COL4A2: variants seen among roughly 807,000 people sequenced by gnomAD.
COL4A2 encodes collagen type IV alpha 2 chain.
COL4A2 carries 99 observed loss-of-function variants against 200.2 expected under a neutral mutation model. The ratio of observed to expected loss-of-function variants is 0.49; its 90% CI spans 0.42 to 0.58. The LOEUF (loss-of-function observed/expected upper bound fraction) is 0.58, where lower values mean the gene tolerates loss of function less well. COL4A2 is among the 20% of genes least tolerant of loss of function. The pLI, the probability that COL4A2 is intolerant of heterozygous loss-of-function variation, is 0.00. For missense variants in COL4A2, 1,950 were observed against 2,314.1 expected (o/e 0.84, Z 3.23); for synonymous variants, 897 against 900.6 (o/e 1.00, Z 0.07).
Position 110,465,549 on chromosome 13 carries a change from C to G in COL4A2, c.1921C>G (p.Pro641Ala), listed in dbSNP as rs1412683360. ...TGGTTTCCCTGGAGACGCCGGCTTA[C>G]CTGGACCACCAGGCTTCCTGGGCCC... ...QRGFPGDAGLPGPPGFLGPPG... is the reference protein window; with the variant it reads ...QRGFPGDAGLAGPPGFLGPPG... The change falls in exon 25 of 48, where the codon CCT (proline) becomes GCT (alanine). Residue 641 changes from proline to alanine, a missense_variant. By Grantham distance (27) the Pro-to-Ala change is conservative (BLOSUM62 -1). This residue lies in a region of COL4A2 where 1,385 missense variants were observed against 1,720.5 expected (regional missense o/e 0.80). Transcript: ENST00000360467. The G allele has an allele frequency of 4.3e-6, 7 of 1,613,882 alleles. No homozygotes were observed. Among genetic ancestry groups the G allele is most frequent in the African/African-American group, 1.3e-5 (1 of 74,926 alleles).
At chr13:110,419,990 G>A (rs551870834) in intron 4 of COL4A2, among the ~76,000 whole-genome samples, 50 of 152,268 alleles carry the variant, frequency 3.3e-4, no homozygotes, top group African/African-American at 1.2e-3. Context: ...GCCAGGATGG[G>A]GGTTATGGTG....
intron 4 of COL4A2, among the ~76,000 whole-genome samples, chr13:110,376,014 C>T (rs1878222972): frequency 6.6e-6 from 1 of 152,160 alleles, no homozygotes; most frequent in Non-Finnish European, 1.5e-5. Context: ...GTGATTTATA[C>T]ATCATTATGC....
intron 47 of COL4A2, among the ~76,000 whole-genome samples, chr13:110,509,312 T>C (rs1264495460): frequency 1.6e-5 from 2 of 127,342 alleles, no homozygotes; most frequent in Non-Finnish European, 3.3e-5. Context: ...AAAATATAAA[T>C]TACATAGTGA....
chr13:110,365,650 C>G (rs1179532518), intron 4 of COL4A2, among the ~76,000 whole-genome samples: 3 of 152,184 alleles, frequency 2.0e-5, no homozygotes, highest in Non-Finnish European at 4.4e-5. Context: ...CCTGCCCTTT[C>G]TCCACGCAAT....
At chr13:110,394,183 T>A (rs1209219295) in intron 4 of COL4A2, among the ~76,000 whole-genome samples, 1 of 152,214 alleles carries the variant, frequency 6.6e-6, no homozygotes, top group Non-Finnish European at 1.5e-5. Flanking sequence ...AGGTATTTTA[T>A]AATCGTAAAA....
chr13:110,454,614 G>A (rs752973366), intron 20 of COL4A2, among the ~76,000 whole-genome samples: 5 of 152,034 alleles, frequency 3.3e-5, no homozygotes, highest in African/African-American at 7.2e-5. Flanking sequence ...GGGTGCGGCC[G>A]CCTCTCCTCC....
chr13:110,396,000 A>C (rs1159516317), intron 4 of COL4A2, among the ~76,000 whole-genome samples: 1 of 152,232 alleles, frequency 6.6e-6, no homozygotes, highest in Non-Finnish European at 1.5e-5. Flanking sequence ...AGTACATAAA[A>C]AGTAACGAGT....
chr13:110,353,269 A>C (rs749049661), intron 3 of COL4A2, among the ~76,000 whole-genome samples: 6 of 152,208 alleles, frequency 3.9e-5, no homozygotes, highest in Non-Finnish European at 8.8e-5. Flanking sequence ...GTGTTTCTTC[A>C]TGAAGGGGGT....
In COL4A2 at chr13:110,363,001, A is replaced by G. The variant is rs571370184; in HGVS notation, c.180+5449A>G. Among the ~76,000 whole-genome samples, 6 of 152,376 alleles carry G rather than the reference A, an allele frequency of 3.9e-5. No homozygotes were observed. In the South Asian group the frequency reaches 1.2e-3, roughly 32 times the overall value. On this transcript the variant is annotated intron_variant, in intron 4 of 47. Coordinates refer to ENST00000360467, the MANE Select transcript of COL4A2 (RefSeq NM_001846.4). ...ATTTTTTAATGACATCAACCTTCAC[A>G]GGGCACCTCCTATGTCCTAAGGCAC...
rs2281972 is a variant in COL4A2 at position 110,478,397 on chromosome 13, C to T, written c.2587+233C>T. Among the ~76,000 whole-genome samples the T allele has an allele frequency of 0.31, 47,832 of 151,938 alleles. 7,698 individuals carry two copies. Among genetic ancestry groups the T allele is most frequent in the East Asian group, 0.43 (2,245 of 5,184 alleles). On this transcript the variant is annotated intron_variant, in intron 30 of 47. Coordinates refer to ENST00000360467, the MANE Select transcript of COL4A2 (RefSeq NM_001846.4). ...ATTAAGGATCTAGGGAAGGTCTCAT[C>T]GGGAAAAAAGAAAAAGAAAGAAATT...
chr13:110,342,365 T>G (rs796507330), intron 3 of COL4A2, among the ~76,000 whole-genome samples: 3 of 152,218 alleles, frequency 2.0e-5, no homozygotes, highest in African/African-American at 7.2e-5. Context: ...TCAGTGAAAA[T>G]CCTAAAGCAT....
In COL4A2 at chr13:110,308,020, C is replaced by G. The variant is rs1352871902; in HGVS notation, c.45-49C>G. ...CTTCGGTGTAACTCTCGGGGACTGA[C>G]AAGCCGGGCCCGCACGTTCACGTCT... On this transcript the variant is annotated intron_variant, in intron 2 of 47. Transcript: ENST00000360467. 6 of 1,611,278 alleles carry G rather than the reference C, an allele frequency of 3.7e-6. No homozygotes were observed. In the South Asian group the frequency reaches 6.6e-5, roughly 18 times the overall value.
chr13:110,461,622 G>A (rs1454155068), intron 22 of COL4A2, among the ~76,000 whole-genome samples: 2 of 152,188 alleles, frequency 1.3e-5, no homozygotes, highest in African/African-American at 4.8e-5. Context: ...CCTGTTTCAA[G>A]TGACTCTCCT....
chr13:110,317,303 CAT>C (rs1885162745), intron 3 of COL4A2, among the ~76,000 whole-genome samples: 1 of 151,850 alleles, frequency 6.6e-6, no homozygotes, highest in South Asian at 2.1e-4. Flanking sequence ...CGCACATACA[CAT>C]AGATGCAAAT....
At chr13:110,316,810 A>C (rs1356433160) in intron 3 of COL4A2, among the ~76,000 whole-genome samples, 3 of 152,186 alleles carry the variant, frequency 2.0e-5, no homozygotes, top group Non-Finnish European at 4.4e-5. Flanking sequence ...CTCTGCTCTT[A>C]ACCACTGGCT....
Position 110,482,634 on chromosome 13 carries a change from TC to T in COL4A2, c.2878del (p.Leu960TrpfsTer27). 6.2e-7 allele frequency: 1 copy of T among 1,614,008 alleles called. No individual in the cohort carries two copies. Among genetic ancestry groups the T allele is most frequent in the Non-Finnish European group, 8.5e-7 (1 of 1,179,972 alleles). ...GFFGIPGLKGLAGEPGFKGSR... is the reference protein window; with the variant it reads ...GFFGIPGLKGXAGEPGFKGSR... ...TTTTCGGAATACCCGGTCTGAAGGG[TC>T]TGGCTGGTGAGCCAGGTTTTAAAGG... On this transcript the variant is annotated frameshift_variant, in exon 32 of 48. Coordinates refer to ENST00000360467, the MANE Select transcript of COL4A2 (RefSeq NM_001846.4). LOFTEE classifies it high-confidence loss of function.
At chr13:110,364,567 T>C (rs1877660955) in intron 4 of COL4A2, among the ~76,000 whole-genome samples, 1 of 152,228 alleles carries the variant, frequency 6.6e-6, no homozygotes, top group African/African-American at 2.4e-5. Flanking sequence ...TGGTTAAATC[T>C]CGCTGGAAAG....
At chr13:110,312,279 G>A (rs532676280) in intron 3 of COL4A2, among the ~76,000 whole-genome samples, 11 of 152,332 alleles carry the variant, frequency 7.2e-5, no homozygotes, top group African/African-American at 2.6e-4. Flanking sequence ...AGAAGGAGAG[G>A]TGGGTAGGAA....
In COL4A2 at chr13:110,503,163, C is replaced by G. The variant is rs201627758; in HGVS notation, c.3920C>G (p.Pro1307Arg). Reference sequence around the variant, plus strand: ...GGGCCACCAGGTTCTGCTGCTCTTCCTGGAAGCAAAGGTGACACAGGGAAC... The same window carrying G: ...GGGCCACCAGGTTCTGCTGCTCTTCGTGGAAGCAAAGGTGACACAGGGAAC... ...PPGPPGSAAL[P>R]GSKGDTGNPG... Residue 1307 changes from proline (P) to arginine (R), a missense_variant, in exon 42 of 48, where the codon CCT becomes CGT. Physicochemically the swap from Pro to Arg is moderately radical, Grantham distance 103 (BLOSUM62 -2). Coordinates refer to ENST00000360467, the MANE Select transcript of COL4A2 (RefSeq NM_001846.4). The G allele has an allele frequency of 2.4e-4, 383 of 1,613,954 alleles. 1 individual carries two copies. The African/African-American group carries it at 4.6e-3, about 19-fold the overall frequency.
Sources: gnomAD v4.1 joint callset for allele counts (sites outside exome capture counted in the v4.1 genomes callset) on GRCh38, gnomAD v4.1.1 for gene constraint, gnomAD v4.1.1 regional missense constraint, MANE v1.5 for transcripts, NCBI Gene and HGNC (gene_info 2026-07-23, HGNC 2026-07-21) for gene names.